Variants in NFIX observed in about 807,000 individuals in gnomAD.
NFIX encodes nuclear factor 1 X-type.
A neutral mutation model predicts 53.3 loss-of-function variants in NFIX; 2 were observed. The ratio of observed to expected loss-of-function variants is 0.04; its 90% CI spans 0.02 to 0.12. The LOEUF (loss-of-function observed/expected upper bound fraction) is 0.12. NFIX is among the 10% of genes least tolerant of loss of function. NFIX has a pLI of 1.00. For synonymous variants in NFIX, 244 were observed against 289.0 expected (o/e 0.84, Z 1.58); for missense variants, 310 against 674.5 (o/e 0.46, Z 5.99).
rs578065455 is a variant in NFIX, at chr19:13,052,455, C to T, written c.560-20592C>T. On this transcript the variant is annotated intron_variant, in intron 2 of 10. Transcript: ENST00000592199. This position sits in a 1 kb window ranked among gnomAD's most constrained non-coding sequence, Gnocchi z 5.2. ...GGGTCACCTGAGGATGTCCTGGTGA[C>T]GATGCAGGAGCTGCCAGGCAGGACC... is the stretch of plus-strand genomic sequence containing the variant. Among the ~76,000 whole-genome samples the T allele has an allele frequency of 5.3e-5, 8 of 152,260 alleles. No individual in the cohort carries two copies. Among genetic ancestry groups the T allele is most frequent in the African/African-American group, 1.4e-4 (6 of 41,554 alleles).
rs2015387576 is a variant in NFIX, at chr19:13,052,480, C to T, written c.560-20567C>T. On this transcript the variant is annotated intron_variant, in intron 2 of 10. Coordinates refer to ENST00000592199, the MANE Select transcript of NFIX (RefSeq NM_001365902.3). This position sits in a 1 kb window ranked among gnomAD's most constrained non-coding sequence, Gnocchi z 5.2. ...CGATGCAGGAGCTGCCAGGCAGGAC[C>T]ACCATGAGTCACTGGGGGTCATGCC... Among the ~76,000 whole-genome samples the T allele has an allele frequency of 6.6e-6, 1 of 152,182 alleles. No homozygotes were observed. The highest frequency in any genetic ancestry group is 2.4e-5 in the African/African-American group (1 of 41,436).
chr19:13,079,164 C>G (rs2017303696), intron 7 of NFIX, among the ~76,000 whole-genome samples: 1 of 152,238 alleles, frequency 6.6e-6, no homozygotes, highest in South Asian at 2.1e-4. Context: ...AGCATGAGCC[C>G]AGGTTGATGT....
At chr19:13,030,734 G>A (rs576778859) in intron 2 of NFIX, among the ~76,000 whole-genome samples, 2 of 152,242 alleles carry the variant, frequency 1.3e-5, no homozygotes, top group South Asian at 4.1e-4. Flanking sequence ...GTTCAGAATT[G>A]AACACAGAAA....
At chr19:13,058,538 G>A (rs2145356612) in intron 2 of NFIX, among the ~76,000 whole-genome samples, 1 of 149,418 alleles carries the variant, frequency 6.7e-6, no homozygotes, top group South Asian at 2.1e-4. Context: ...CTACTTGGGA[G>A]GCTAAGTAGC....
intron 2 of NFIX, among the ~76,000 whole-genome samples, chr19:13,058,699 G>A (rs2015867359): frequency 1.3e-5 from 2 of 151,808 alleles, no homozygotes; most frequent in South Asian, 2.1e-4. Flanking sequence ...CTCAAAAAAA[G>A]CAAAAAAGAA....
chr19:13,075,790 C>T, intron 6 of NFIX, 119 bp downstream of exon 6: 3 of 1,232,134 alleles, frequency 2.4e-6, no homozygotes, highest in South Asian at 1.5e-5. Flanking sequence ...CATTACCCAT[C>T]TGTTTTCTTG....
rs114030114 is a variant in NFIX, at chr19:13,076,974, G to A, written c.955+1303G>A. 3.5e-3 allele frequency among the ~76,000 whole-genome samples: 530 copies of A among 152,234 alleles called. 6 individuals carry two copies. The highest frequency in any genetic ancestry group is 0.012 in the African/African-American group (514 of 41,558). On this transcript the variant is annotated intron_variant, in intron 6 of 10. Coordinates refer to ENST00000592199, the MANE Select transcript of NFIX (RefSeq NM_001365902.3). Reference sequence around the variant, plus strand: ...CTGGGGCCCCTCCCAGGCTCTCCTCGTGGCAGGCAGGGACTTGGGCCAGCA... The same window carrying A: ...CTGGGGCCCCTCCCAGGCTCTCCTCATGGCAGGCAGGGACTTGGGCCAGCA...
At chr19:13,054,308 TG>T (rs2015515654) in intron 2 of NFIX, among the ~76,000 whole-genome samples, 1 of 152,170 alleles carries the variant, frequency 6.6e-6, no homozygotes, top group South Asian at 2.1e-4. Context: ...TCTGTAAAGA[TG>T]GGGAAAATAA....
At chr19:13,075,466 T>C in intron 5 of NFIX, 69 bp from the exon 6 acceptor site, 1 of 1,563,714 alleles carries the variant, frequency 6.4e-7, no homozygotes, top group Non-Finnish European at 8.7e-7. Flanking sequence ...TTCTTTAGCC[T>C]GGACTCTTGG....
chr19:13,070,191 C>T (rs897765696), intron 2 of NFIX: 2 of 152,352 alleles, frequency 1.3e-5, no homozygotes, highest in African/African-American at 4.8e-5. Context: ...CCTGCAGCCA[C>T]TGGCTGGTTC....
At chr19:13,024,165 CCTGA>C (rs889475730) in intron 1 of NFIX, 169 of 726,094 alleles carry the variant, frequency 2.3e-4, no homozygotes, top group Middle Eastern at 1.2e-3. Flanking sequence ...CCTTCTGTCA[CCTGA>C]CTGAGTGGGA....
intron 2 of NFIX, among the ~76,000 whole-genome samples, chr19:13,044,982 G>T (rs1275645603): frequency 6.6e-6 from 1 of 152,210 alleles, no homozygotes; most frequent in East Asian, 1.9e-4. Context: ...AGGTCCCACT[G>T]CAGGCTGTGG....
rs2014200607 is a variant in NFIX at position 13,036,507 on chromosome 19, G to C, written c.559+10955G>C. Among the ~76,000 whole-genome samples the C allele has an allele frequency of 6.6e-6, 1 of 152,120 alleles. No individual in the cohort carries two copies. The highest frequency in any genetic ancestry group is 1.5e-5 in the Non-Finnish European group (1 of 68,018). ...TGCTCTCCAGACAGCTGAGAGTAGG[G>C]TGACACCTGGTGACTCTTGTGGACT... On this transcript the variant is annotated intron_variant, in intron 2 of 10. Coordinates refer to ENST00000592199, the MANE Select transcript of NFIX (RefSeq NM_001365902.3). This position sits in a 1 kb window ranked among gnomAD's most constrained non-coding sequence, Gnocchi z 4.7.
intron 1 of NFIX, among the ~76,000 whole-genome samples, chr19:13,007,573 C>T (rs1264974147): frequency 6.6e-6 from 1 of 152,198 alleles, no homozygotes; most frequent in African/African-American, 2.4e-5. Flanking sequence ...CTCCCTTTCC[C>T]TAAGTTCCCC....
chr19:13,026,301 G>A (rs757603100), intron 2 of NFIX, among the ~76,000 whole-genome samples: 2 of 151,966 alleles, frequency 1.3e-5, no homozygotes, highest in Non-Finnish European at 2.9e-5. Context: ...CTGGGGAGCA[G>A]AGAGGCTTTC....
chr19:13,017,273 A>G (rs1247421641), intron 1 of NFIX, among the ~76,000 whole-genome samples: 2 of 152,238 alleles, frequency 1.3e-5, no homozygotes, highest in Admixed American at 6.5e-5. Flanking sequence ...TGCAGGGGCT[A>G]GACACCAGGG....
intron 2 of NFIX, among the ~76,000 whole-genome samples, chr19:13,030,798 C>T (rs774857691): frequency 9.2e-5 from 14 of 152,168 alleles, no homozygotes; most frequent in Non-Finnish European, 1.9e-4. Context: ...ATTTTCAGGG[C>T]CTTCCAGCTA....
rs376909764 is a variant in NFIX, at chr19:13,012,443, A to AC, written c.28-12571dup. ...GGGGCGCGGCCTGCCCCTCACAGTG[A>AC]CCCCCCCGACCCACCCCCCAAAAAG... On this transcript the variant is annotated intron_variant, in intron 1 of 10. Transcript: ENST00000592199. This position sits in a 1 kb window ranked among gnomAD's most constrained non-coding sequence, Gnocchi z 5.0. Among the ~76,000 whole-genome samples the AC allele has an allele frequency of 5.3e-3, 784 of 148,178 alleles. 5 individuals are homozygous for AC. The highest frequency in any genetic ancestry group is 0.018 in the African/African-American group (742 of 40,434).
intron 2 of NFIX, among the ~76,000 whole-genome samples, chr19:13,039,869 C>T (rs372403877): frequency 3.3e-5 from 5 of 152,294 alleles, no homozygotes; most frequent in African/African-American, 1.2e-4. Flanking sequence ...AGATGGGAAG[C>T]AGCCCATGGC....
Sources: gnomAD v4.1 joint callset for allele counts (sites outside exome capture counted in the v4.1 genomes callset) on GRCh38, gnomAD v4.1.1 for gene constraint, Gnocchi (gnomAD v3.1) non-coding constraint, MANE v1.5 for transcripts, NCBI Gene and HGNC (gene_info 2026-07-23, HGNC 2026-07-21) for gene names.